FAM171A1: variants seen among roughly 807,000 people sequenced by gnomAD.
The protein encoded by FAM171A1 is protein FAM171A1.
Under a neutral mutation model 74.9 loss-of-function variants are expected in FAM171A1, and 23 were observed. The ratio of observed to expected loss-of-function variants is 0.31; its 90% CI spans 0.22 to 0.44. The LOEUF (loss-of-function observed/expected upper bound fraction) is 0.44. Among genes scored for constraint, FAM171A1 ranks in the 20% least tolerant of loss-of-function variants. The pLI, the probability that FAM171A1 is intolerant of heterozygous loss-of-function variation, is 1.00. For missense variants in FAM171A1, 1,162 were observed against 1,159.2 expected, an observed-to-expected ratio of 1.00 and a Z score of -0.03; for synonymous variants, 527 against 505.7, an observed-to-expected ratio of 1.04 and a Z score of -0.57.
chr10:15,331,032 G>A (rs990897850), intron 1 of FAM171A1, among the ~76,000 whole-genome samples: 2 of 152,108 alleles, frequency 1.3e-5, no homozygotes, highest in Middle Eastern at 3.4e-3. Context: ...TGGGATTACA[G>A]GCGCACGCCA....
intron 1 of FAM171A1, among the ~76,000 whole-genome samples, chr10:15,351,586 T>TGGATGGATGGATGGAC (rs1172430155): frequency 1.3e-5 from 2 of 150,434 alleles, no homozygotes; most frequent in Non-Finnish European, 3.0e-5. Context: ...GATGGATGGA[T>TGGATGGATGGATGGAC]GGATGGATGC....
rs184417261 is a variant in FAM171A1, at chr10:15,302,620, G to A, written c.98-18515C>T. Among the ~76,000 whole-genome samples, 268 of 151,642 alleles carry A rather than the reference G, an allele frequency of 1.8e-3. 1 individual carries two copies. The highest frequency in any genetic ancestry group is 2.2e-3 in the Non-Finnish European group (148 of 67,964). ...TTTTCCTCTCCAAGCATTAGTGAGT[G>A]TTTTGTTTGTTTTTATAGCACTGAT... is the stretch of plus-strand genomic sequence containing the variant. On this transcript the variant is annotated intron_variant, in intron 1 of 7. Coordinates refer to ENST00000378116, the MANE Select transcript of FAM171A1 (RefSeq NM_001010924.2).
chr10:15,335,946 C>G (rs981272960), intron 1 of FAM171A1, among the ~76,000 whole-genome samples: 17 of 152,150 alleles, frequency 1.1e-4, no homozygotes, highest in African/African-American at 4.1e-4. Context: ...CTTGTCTAAG[C>G]TTTCATTATT....
chr10:15,235,304 A>C (rs1194463402), intron 5 of FAM171A1, among the ~76,000 whole-genome samples: 2 of 90,290 alleles, frequency 2.2e-5, no homozygotes, highest in African/African-American at 8.8e-5. Flanking sequence ...TCTGTCTCAA[A>C]AAAAAAAAAA....
chr10:15,265,226 G>T (rs7909363), intron 3 of FAM171A1, among the ~76,000 whole-genome samples: 1 of 151,842 alleles, frequency 6.6e-6, no homozygotes, highest in South Asian at 2.1e-4. Context: ...GAGAGAGAAA[G>T]AGCTGCTCAA....
In FAM171A1 at chr10:15,283,988, C is replaced by G. The variant is rs767220580; in HGVS notation, c.215G>C (p.Gly72Ala). Residue 72 changes from glycine (G) to alanine (A), a missense_variant, in exon 2 of 8, where the codon GGC becomes GCC. Transcript: ENST00000378116. ...SIASGTSGTD[G>A]VAFIKFQYKL... is the part of the protein sequence containing the mutation. ...ATACTGGAACTTGATAAAGGCGACGCCATCAGTCCCCGAGGTGCCAGAGGC... is the reference window on the plus strand; with the variant it reads ...ATACTGGAACTTGATAAAGGCGACGGCATCAGTCCCCGAGGTGCCAGAGGC... 1 of 1,614,204 alleles carries G rather than the reference C, an allele frequency of 6.2e-7. No homozygotes were observed. The highest frequency in any genetic ancestry group is 1.7e-5 in the Admixed American group (1 of 60,026).
At chr10:15,288,280 G>A (rs933060834) in intron 1 of FAM171A1, among the ~76,000 whole-genome samples, 13 of 152,018 alleles carry the variant, frequency 8.6e-5, no homozygotes, top group Admixed American at 4.6e-4. Context: ...GGTAGATACC[G>A]GTAGTGGGAT....
intron 1 of FAM171A1, among the ~76,000 whole-genome samples, chr10:15,333,876 C>T (rs550725146): frequency 1.3e-5 from 2 of 151,816 alleles, no homozygotes; most frequent in African/African-American, 2.4e-5. Context: ...AAAACTATTT[C>T]CATTGGCTCC....
At chr10:15,332,219 G>A (rs968960947) in intron 1 of FAM171A1, among the ~76,000 whole-genome samples, 2 of 152,082 alleles carry the variant, frequency 1.3e-5, no homozygotes, top group African/African-American at 4.8e-5. Context: ...GCCTCCCAGA[G>A]TGCTAGGATT....
chr10:15,357,434 A>G (rs1215890849), intron 1 of FAM171A1, among the ~76,000 whole-genome samples: 1 of 152,218 alleles, frequency 6.6e-6, no homozygotes, highest in East Asian at 1.9e-4. Context: ...GTAGTAGAAA[A>G]TAATCAGAAC....
At chr10:15,372,867 C>T (rs1250096321), upstream of FAM171A1, among the ~76,000 whole-genome samples, 1 of 152,124 alleles carries the variant, frequency 6.6e-6, no homozygotes, top group Admixed American at 6.5e-5. Context: ...ACAACCTTCA[C>T]CTCCACTTGT....
intron 1 of FAM171A1, among the ~76,000 whole-genome samples, chr10:15,322,791 C>T (rs1448251539): frequency 6.6e-6 from 1 of 152,224 alleles, no homozygotes; most frequent in African/African-American, 2.4e-5. Flanking sequence ...CATCAGGCAT[C>T]AGAGACTGAT....
intron 5 of FAM171A1, among the ~76,000 whole-genome samples, chr10:15,226,115 G>A (rs1834103299): frequency 2.6e-5 from 4 of 152,196 alleles, no homozygotes; most frequent in Admixed American, 2.6e-4. Flanking sequence ...AAGGTCATGT[G>A]GTGAAGGCAA....
At chr10:15,262,932 C>T (rs1163369738) in intron 3 of FAM171A1, among the ~76,000 whole-genome samples, 2 of 152,164 alleles carry the variant, frequency 1.3e-5, no homozygotes, top group Non-Finnish European at 2.9e-5. Context: ...GCTTCCCTGA[C>T]GGCCTGCTTT....
chr10:15,358,702 C>T (rs1222994388), intron 1 of FAM171A1, among the ~76,000 whole-genome samples: 1 of 152,166 alleles, frequency 6.6e-6, no homozygotes, highest in African/African-American at 2.4e-5. Flanking sequence ...AAGTACCAAG[C>T]CTCCCTCATA....
At chr10:15,309,023 A>T (rs1835328574) in intron 1 of FAM171A1, among the ~76,000 whole-genome samples, 1 of 152,228 alleles carries the variant, frequency 6.6e-6, no homozygotes, top group Non-Finnish European at 1.5e-5. Flanking sequence ...ACTTAAAAAA[A>T]CCAAATAAAA....
intron 1 of FAM171A1, among the ~76,000 whole-genome samples, chr10:15,342,368 G>C (rs1835774254): frequency 6.6e-6 from 1 of 152,278 alleles, no homozygotes; most frequent in African/African-American, 2.4e-5. Flanking sequence ...TCAGGAGTTC[G>C]AGACCAGCCT....
chr10:15,233,072 A>C (rs903631176), intron 5 of FAM171A1, among the ~76,000 whole-genome samples: 31 of 152,210 alleles, frequency 2.0e-4, no homozygotes, highest in African/African-American at 7.2e-4. Flanking sequence ...AGGCAGGCAG[A>C]TCACGAGGTC....
chr10:15,296,921 G>A (rs1835168444), intron 1 of FAM171A1, among the ~76,000 whole-genome samples: 1 of 152,180 alleles, frequency 6.6e-6, no homozygotes, highest in Admixed American at 6.5e-5. Context: ...TAAACCTCGT[G>A]AAAAGGCAGC....
Sources: allele counts gnomAD v4.1 joint callset (sites outside exome capture counted in the v4.1 genomes callset), GRCh38; gene constraint gnomAD v4.1.1; transcripts MANE v1.5; gene names NCBI Gene and HGNC (gene_info 2026-07-23, HGNC 2026-07-21).